Variants in KAZN observed in about 807,000 individuals in gnomAD.
KAZN encodes kazrin.
KAZN carries 40 observed loss-of-function variants against 87.4 expected under a neutral mutation model. The observed-to-expected ratio is 0.46, with a 90% CI of 0.36 to 0.60. KAZN has a LOEUF of 0.60. Ranked by LOEUF, KAZN falls within the 20% of genes least tolerant of loss-of-function variation. KAZN has a pLI of 0.00. For synonymous variants in KAZN, 466 were observed against 458.3 expected (o/e 1.02, Z -0.22); for missense variants, 898 against 1,073.9 (o/e 0.84, Z 2.29).
At chr1:14,888,881 G>A (rs894301421) in intron 1 of KAZN, among the ~76,000 whole-genome samples, 37 of 152,184 alleles carry the variant, frequency 2.4e-4, no homozygotes, top group African/African-American at 8.7e-4. Context: ...GGAGTAAAGA[G>A]AAAATAAGTC....
intron 2 of KAZN, among the ~76,000 whole-genome samples, chr1:14,527,703 A>C (rs1445617654): frequency 6.6e-6 from 1 of 152,134 alleles, no homozygotes; most frequent in Admixed American, 6.5e-5. Flanking sequence ...ATGTGCAGAG[A>C]TGGCAAGAGA....
At chr1:14,525,447 A>C (rs1161425630) in intron 2 of KAZN, among the ~76,000 whole-genome samples, 3 of 152,396 alleles carry the variant, frequency 2.0e-5, no homozygotes, top group Non-Finnish European at 4.4e-5. Flanking sequence ...CTTAGACAAC[A>C]CATAAACAAA....
chr1:14,543,791 C>G (rs1426265343), intron 2 of KAZN, among the ~76,000 whole-genome samples: 1 of 152,108 alleles, frequency 6.6e-6, no homozygotes, highest in Non-Finnish European at 1.5e-5. Context: ...TGGCAAACAG[C>G]AAGTTACATA....
chr1:14,427,513 A>AACACACAC (rs141037257), intron 2 of KAZN, among the ~76,000 whole-genome samples: 105 of 150,406 alleles, frequency 7.0e-4, no homozygotes, highest in African/African-American at 2.3e-3. Context: ...CTATAATTTA[A>AACACACAC]ACACACACAC....
chr1:14,437,714 G>GA (rs1666479440), intron 2 of KAZN, among the ~76,000 whole-genome samples: 1 of 152,152 alleles, frequency 6.6e-6, no homozygotes, highest in Non-Finnish European at 1.5e-5. Flanking sequence ...GAGAAGCCGG[G>GA]AGGCTCTGCA....
chr1:14,768,885 T>C (rs554817211), intron 1 of KAZN, among the ~76,000 whole-genome samples: 46 of 152,356 alleles, frequency 3.0e-4, no homozygotes, highest in African/African-American at 1.1e-3. Flanking sequence ...ATTCGCGCCA[T>C]GTGAAATGTC....
At chr1:14,822,550 C>T (rs1416745629) in intron 1 of KAZN, among the ~76,000 whole-genome samples, 1 of 152,178 alleles carries the variant, frequency 6.6e-6, no homozygotes, top group African/African-American at 2.4e-5. Context: ...CTCTCTCAGC[C>T]CCTCCCTCCT....
At chr1:15,076,767 CATT>C (rs113430238) in intron 8 of KAZN, among the ~76,000 whole-genome samples, 4 of 152,348 alleles carry the variant, frequency 2.6e-5, no homozygotes, top group African/African-American at 9.6e-5. Flanking sequence ...ACCAGGCAAA[CATT>C]AGCCGTCACG....
chr1:14,032,248 A>G (rs1557794476), intron 1 of KAZN, among the ~76,000 whole-genome samples: 1 of 152,224 alleles, frequency 6.6e-6, no homozygotes. Context: ...TTCTAAGTGC[A>G]TTACATGCAT....
chr1:14,942,320 G>A (rs1372942093), intron 1 of KAZN, among the ~76,000 whole-genome samples: 1 of 152,144 alleles, frequency 6.6e-6, no homozygotes, highest in African/African-American at 2.4e-5. Context: ...ACGTTCCAGG[G>A]ATATATATGG....
intron 1 of KAZN, among the ~76,000 whole-genome samples, chr1:14,027,490 C>A (rs1353486276): frequency 6.6e-6 from 1 of 152,120 alleles, no homozygotes; most frequent in Non-Finnish European, 1.5e-5. Flanking sequence ...CTTCTGCCCC[C>A]CCGCCACCTC....
At chr1:14,019,019 T>C (rs1021898818) in intron 1 of KAZN, among the ~76,000 whole-genome samples, 1 of 152,228 alleles carries the variant, frequency 6.6e-6, no homozygotes, top group African/African-American at 2.4e-5. Flanking sequence ...TCCTTGATTC[T>C]GTCTCTCTGG....
chr1:14,050,460 T>C lies in KAZN; in HGVS notation c.92-129975T>C, dbSNP rs556327762. On this transcript the variant is annotated intron_variant, in intron 1 of 16. Transcript: ENST00000636203. ...GGTGGCTTCAGGAAACTTACAACCA[T>C]GGCAGAAGGGGAAGAAGGAATGTCT... Among the ~76,000 whole-genome samples, 223 of 152,262 alleles carry C rather than the reference T, an allele frequency of 1.5e-3. 2 individuals carry two copies. The highest frequency in any genetic ancestry group is 5.1e-3 in the African/African-American group (211 of 41,538).
chr1:14,835,819 C>A (rs1230407433), intron 1 of KAZN, among the ~76,000 whole-genome samples: 1 of 151,818 alleles, frequency 6.6e-6, no homozygotes, highest in East Asian at 1.9e-4. Flanking sequence ...ACCCCCGCCC[C>A]CTGACAGCTC....
intron 2 of KAZN, among the ~76,000 whole-genome samples, chr1:14,580,955 G>C (rs553856389): frequency 6.6e-6 from 1 of 151,938 alleles, no homozygotes; most frequent in Non-Finnish European, 1.5e-5. Flanking sequence ...GCTCCTTCTC[G>C]GTCTTTTTTG....
At chr1:14,283,786 G>T (rs889339389) in intron 2 of KAZN, among the ~76,000 whole-genome samples, 1 of 151,990 alleles carries the variant, frequency 6.6e-6, no homozygotes, top group African/African-American at 2.4e-5. Context: ...ACATATACAG[G>T]TATGAAAACC....
At chr1:14,166,814 C>T (rs961929613) in intron 1 of KAZN, among the ~76,000 whole-genome samples, 7 of 152,170 alleles carry the variant, frequency 4.6e-5, no homozygotes, top group African/African-American at 9.7e-5. Context: ...TCCGTGTTTA[C>T]ATACTTGGAA....
chr1:14,940,394 A>G (rs1013899872), intron 1 of KAZN, among the ~76,000 whole-genome samples: 1 of 152,228 alleles, frequency 6.6e-6, no homozygotes, highest in African/African-American at 2.4e-5. Context: ...CCTGTGCCCT[A>G]CACTTGAGGA....
intron 2 of KAZN, among the ~76,000 whole-genome samples, chr1:14,430,068 C>G (rs1456097019): frequency 1.3e-5 from 2 of 152,088 alleles, no homozygotes; most frequent in East Asian, 3.9e-4. Context: ...AGAGGTCATT[C>G]CTTCTGCCTG....
Sources: gnomAD v4.1 joint callset for allele counts (sites outside exome capture counted in the v4.1 genomes callset) on GRCh38, gnomAD v4.1.1 for gene constraint, MANE v1.5 for transcripts, NCBI Gene and HGNC (gene_info 2026-07-23, HGNC 2026-07-21) for gene names.